The following LMO3 variants were observed in gnomAD, a reference collection of about 807,000 sequenced individuals.
LMO3 encodes the protein LIM domain only protein 3.
In LMO3, 2 loss-of-function variants were observed where a neutral mutation model predicts 15.8. The ratio of observed to expected loss-of-function variants is 0.13; its 90% CI spans 0.05 to 0.40. The LOEUF is 0.40. Among genes scored for constraint, LMO3 ranks in the 10% least tolerant of loss-of-function variants. The pLI is 0.99. For missense variants in LMO3, 86 were observed against 182.2 expected (o/e 0.47, Z 3.04); for synonymous variants, 62 against 63.8 (o/e 0.97, Z 0.13).
Position 16,598,913 on chromosome 12 carries a change from G to T in LMO3, c.206+1742C>A. 2 of 315,162 alleles carry T rather than the reference G, an allele frequency of 6.3e-6. No individual in the cohort carries two copies. The highest frequency in any genetic ancestry group is 2.6e-5 in the South Asian group (1 of 37,858). The allele number at this position is 315,162 out of a possible 1,614,324, so 19.5% of individuals were successfully genotyped here. A position where few individuals can be genotyped will look rare whatever the true frequency, so the allele number is the denominator to read the frequency against. Reference sequence around the variant, plus strand: ...TGGTTTATTAAAACACCTTAACATTGCCCGGGCTATATAAACTCCTTATTT... The same window carrying T: ...TGGTTTATTAAAACACCTTAACATTTCCCGGGCTATATAAACTCCTTATTT... On this transcript the variant is annotated intron_variant, in intron 2 of 3. Coordinates refer to ENST00000537304, the MANE Select transcript of LMO3 (RefSeq NM_018640.5). The surrounding 1 kb of genome is among the most constrained non-coding windows in gnomAD (Gnocchi z 4.3).
Position 16,549,899 on chromosome 12 carries a change from A to G in LMO3, c.*1323T>C, listed in dbSNP as rs772411432. 3 of 152,108 alleles carry G rather than the reference A, an allele frequency of 2.0e-5. No homozygotes were observed. The highest frequency in any genetic ancestry group is 4.4e-5 in the Non-Finnish European group (3 of 67,954). The allele number at this position is 152,108 out of a possible 1,614,324, so 9.4% of individuals were successfully genotyped here. ...GTAAGGTAGTACTATTTCACCTTAA[A>G]AAATGGAAAGACAAATTTCAGCCTA... On this transcript the variant is annotated 3_prime_UTR_variant, in exon 4 of 4. Coordinates refer to ENST00000537304, the MANE Select transcript of LMO3 (RefSeq NM_018640.5).
At chr12:16,579,015 T>C (rs761765375) in intron 2 of LMO3, among the ~76,000 whole-genome samples, 5 of 152,174 alleles carry the variant, frequency 3.3e-5, no homozygotes, top group Non-Finnish European at 5.9e-5. Flanking sequence ...TTGTACACAC[T>C]CTTGACAGAC....
upstream of LMO3, chr12:16,606,407 C>G (rs556472678): frequency 6.6e-6 from 1 of 152,508 alleles, no homozygotes; most frequent in South Asian, 2.1e-4. Flanking sequence ...AATCCCTTCC[C>G]AGCCAGACAT....
intron 1 of LMO3, among the ~76,000 whole-genome samples, chr12:16,602,773 T>C (rs1164178874): frequency 1.3e-5 from 2 of 152,298 alleles, no homozygotes; most frequent in East Asian, 1.9e-4. Context: ...TCCCATTAAT[T>C]ACAGTGAACA....
chr12:16,549,210 T>C lies in LMO3; in HGVS notation c.*2012A>G, dbSNP rs1354145570. ...TTTTAATTTGTCTTGCTTTGTTTAT[T>C]TTGGTTATGCAAGTCCTTTCTCTTC... On this transcript the variant is annotated 3_prime_UTR_variant, in exon 4 of 4. Coordinates refer to ENST00000537304, the MANE Select transcript of LMO3 (RefSeq NM_018640.5). 1.3e-5 allele frequency: 2 copies of C among 152,244 alleles called. No homozygotes were observed. Among genetic ancestry groups the C allele is most frequent in the South Asian group, 4.1e-4 (2 of 4,824 alleles). The allele number at this position is 152,244 out of a possible 1,614,324, so 9.4% of individuals were successfully genotyped here.
chr12:16,563,163 C>T (rs1270257991), intron 2 of LMO3, among the ~76,000 whole-genome samples: 1 of 152,166 alleles, frequency 6.6e-6, no homozygotes. Context: ...TACAAGGGAA[C>T]ATTTTACTGA....
At chr12:16,607,594 C>T (rs138418971), upstream of LMO3, 209 of 152,294 alleles carry the variant, frequency 1.4e-3, 1 homozygote, top group African/African-American at 4.8e-3. Context: ...AAAGTACCCT[C>T]ACCAGATTTT....
In LMO3 at chr12:16,603,580, A is replaced by C. The variant is rs991747815; in HGVS notation, c.-9+2486T>G. Among the ~76,000 whole-genome samples the C allele has an allele frequency of 1.3e-5, 2 of 152,148 alleles. No homozygotes were observed. The highest frequency in any genetic ancestry group is 4.8e-5 in the African/African-American group (2 of 41,422). On this transcript the variant is annotated intron_variant, in intron 1 of 3. Transcript: ENST00000537304. The surrounding 1 kb of genome is among the most constrained non-coding windows in gnomAD (Gnocchi z 4.9). Reference sequence around the variant, plus strand: ...TTGCCTCTGAGACCCTGCCATTCTGAGTTATTTGACAGTTTAAGGGAAATC... The same window carrying C: ...TTGCCTCTGAGACCCTGCCATTCTGCGTTATTTGACAGTTTAAGGGAAATC...
At position 16,591,610 on chromosome 12, in the gene LMO3, T is replaced by C. The variant is rs1943497507; in HGVS notation, c.206+9045A>G. ...TGATCACATTTATTGAATGAAAAAA[T>C]GGGAATGGGGATGATTGTTTTGCAA... On this transcript the variant is annotated intron_variant, in intron 2 of 3. Transcript: ENST00000537304. The surrounding 1 kb of genome is among the most constrained non-coding windows in gnomAD (Gnocchi z 4.1). Among the ~76,000 whole-genome samples the C allele has an allele frequency of 6.6e-6, 1 of 151,840 alleles. No homozygotes were observed. The highest frequency in any genetic ancestry group is 1.5e-5 in the Non-Finnish European group (1 of 67,932).
chr12:16,562,901 C>A (rs905968637), intron 2 of LMO3, among the ~76,000 whole-genome samples: 1 of 152,186 alleles, frequency 6.6e-6, no homozygotes, highest in Non-Finnish European at 1.5e-5. Context: ...AGTTCTCTGA[C>A]GTTATAGCCT....
chr12:16,564,297 G>A (rs1052356415), intron 2 of LMO3, among the ~76,000 whole-genome samples: 3 of 152,126 alleles, frequency 2.0e-5, no homozygotes, highest in African/African-American at 7.2e-5. Flanking sequence ...TTGTGTATGG[G>A]TGGCATTGCA....
chr12:16,596,243 T>C lies in LMO3; in HGVS notation c.206+4412A>G, dbSNP rs1196943019. ...GTCAGCATAGCAAGCTTCAAATCATTTTAGTTAATTAGCAACTATGGTGAA... is the reference window on the plus strand; with the variant it reads ...GTCAGCATAGCAAGCTTCAAATCATCTTAGTTAATTAGCAACTATGGTGAA... On this transcript the variant is annotated intron_variant, in intron 2 of 3. Coordinates refer to ENST00000537304, the MANE Select transcript of LMO3 (RefSeq NM_018640.5). This position sits in a 1 kb window ranked among gnomAD's most constrained non-coding sequence, Gnocchi z 4.3. 4.0e-5 allele frequency among the ~76,000 whole-genome samples: 6 copies of C among 151,520 alleles called. No individual in the cohort carries two copies. Among genetic ancestry groups the C allele is most frequent in the Non-Finnish European group, 8.9e-5 (6 of 67,564 alleles).
chr12:16,551,170 AAAGAT>A lies in LMO3; in HGVS notation c.*47_*51del. On this transcript the variant is annotated 3_prime_UTR_variant, in exon 4 of 4. Coordinates refer to ENST00000537304, the MANE Select transcript of LMO3 (RefSeq NM_018640.5). ...AATTCTTATGTACATGTGGAGCAAAAAAGATAAAAGAATGTAGTGCTTTGTATTCT... is the reference window on the plus strand; with the variant it reads ...AATTCTTATGTACATGTGGAGCAAAAAAAAGAATGTAGTGCTTTGTATTCT... 8.5e-7 allele frequency: 1 copy of A among 1,178,974 alleles called. No individual in the cohort carries two copies. Among genetic ancestry groups the A allele is most frequent in the Non-Finnish European group, 1.3e-6 (1 of 784,474 alleles). The allele number at this position is 1,178,974 out of a possible 1,614,324, so 73.0% of individuals were successfully genotyped here. A position where few individuals can be genotyped will look rare whatever the true frequency, so the allele number is the denominator to read the frequency against.
chr12:16,605,920 C>A (rs1324998622), intron 1 of LMO3, 146 bp downstream of exon 1: 15 of 1,250,418 alleles, frequency 1.2e-5, no homozygotes, highest in East Asian at 5.1e-5. Context: ...AGTTGCAGTG[C>A]GGAGCTGGGT....
chr12:16,558,089 TA>T (rs1431410446), intron 3 of LMO3, among the ~76,000 whole-genome samples: 2 of 151,834 alleles, frequency 1.3e-5, no homozygotes, highest in African/African-American at 4.8e-5. Context: ...TAATGGCAGG[TA>T]AAAAAGGCAC....
intron 2 of LMO3, among the ~76,000 whole-genome samples, chr12:16,562,562 A>G (rs887694487): frequency 6.6e-6 from 1 of 152,172 alleles, no homozygotes; most frequent in African/African-American, 2.4e-5. Context: ...TCATCAGCCT[A>G]TTACTAGGCA....
intron 2 of LMO3, among the ~76,000 whole-genome samples, chr12:16,570,974 G>A (rs1942793083): frequency 6.6e-6 from 1 of 152,010 alleles, no homozygotes; most frequent in Non-Finnish European, 1.5e-5. Context: ...CATGGCACAT[G>A]TATACATATG....
At chr12:16,557,419 A>C (rs1297689982) in intron 3 of LMO3, among the ~76,000 whole-genome samples, 1 of 147,300 alleles carries the variant, frequency 6.8e-6, no homozygotes, top group African/African-American at 2.5e-5. Flanking sequence ...AATGAATGTG[A>C]GGGAATGCGT....
chr12:16,603,932 C>T lies in LMO3; in HGVS notation c.-9+2134G>A, dbSNP rs993951863. On this transcript the variant is annotated intron_variant, in intron 1 of 3. Coordinates refer to ENST00000537304, the MANE Select transcript of LMO3 (RefSeq NM_018640.5). The surrounding 1 kb of genome is among the most constrained non-coding windows in gnomAD (Gnocchi z 4.9). Reference sequence around the variant, plus strand: ...CAGAGTGAATAGAAAACATTTTGTCCGTCGGAAAATTCACAGAGAACAATT... The same window carrying T: ...CAGAGTGAATAGAAAACATTTTGTCTGTCGGAAAATTCACAGAGAACAATT... 3.9e-5 allele frequency among the ~76,000 whole-genome samples: 6 copies of T among 151,960 alleles called. No homozygotes were observed. Among genetic ancestry groups the T allele is most frequent in the Non-Finnish European group, 7.4e-5 (5 of 67,994 alleles).
Sources: gnomAD v4.1 joint callset for allele counts (sites outside exome capture counted in the v4.1 genomes callset) on GRCh38, gnomAD v4.1.1 for gene constraint, Gnocchi (gnomAD v3.1) non-coding constraint, MANE v1.5 for transcripts, NCBI Gene and HGNC (gene_info 2026-07-23, HGNC 2026-07-21) for gene names.